COMMD1: variants seen among roughly 807,000 people sequenced by gnomAD.
COMMD1 encodes the protein COMM domain-containing protein 1.
A neutral mutation model predicts 17.2 loss-of-function variants in COMMD1; 10 were observed. The ratio of observed to expected loss-of-function variants is 0.58; its 90% CI spans 0.36 to 0.99. The LOEUF (loss-of-function observed/expected upper bound fraction) is 0.99, where lower values mean the gene tolerates loss of function less well. Ranked by LOEUF, COMMD1 falls within the 50% of genes least tolerant of loss-of-function variation. The probability of loss-of-function intolerance (pLI) is 0.01; values close to 1 mark genes in which losing one functional copy is unlikely to be tolerated. For synonymous variants in COMMD1, 97 were observed against 91.6 expected (o/e 1.06, Z -0.34); for missense variants, 270 against 231.8 (o/e 1.17, Z -1.07).
intron 1 of COMMD1, among the ~76,000 whole-genome samples, chr2:61,946,534 T>C (rs1670911561): frequency 6.6e-6 from 1 of 152,184 alleles, no homozygotes; most frequent in Non-Finnish European, 1.5e-5. Flanking sequence ...AAAAATCTTT[T>C]ACACAGTCTC....
chr2:61,916,397 G>A (rs187984416), intron 1 of COMMD1, among the ~76,000 whole-genome samples: 23 of 152,154 alleles, frequency 1.5e-4, no homozygotes, highest in Non-Finnish European at 3.1e-4. Context: ...GGAGTATACT[G>A]TACATAACTT....
intron 2 of COMMD1, among the ~76,000 whole-genome samples, chr2:62,008,919 CACT>C (rs1210603823): frequency 6.6e-6 from 1 of 152,002 alleles, no homozygotes; most frequent in Non-Finnish European, 1.5e-5. Flanking sequence ...AAGTAGCTGG[CACT>C]ACAGGCATGC....
At chr2:62,008,387 C>A (rs5019427) in intron 2 of COMMD1, among the ~76,000 whole-genome samples, 1 of 143,510 alleles carries the variant, frequency 7.0e-6, no homozygotes, top group African/African-American at 2.5e-5. Flanking sequence ...CACACACACA[C>A]ACATATATAT....
chr2:62,019,230 A>G (rs572304851), intron 2 of COMMD1, among the ~76,000 whole-genome samples: 2 of 150,274 alleles, frequency 1.3e-5, no homozygotes, highest in South Asian at 4.2e-4. Flanking sequence ...CTGGAGTGCA[A>G]TGGCGCGATC....
Position 62,081,186 on chromosome 2 carries a change from T to C in COMMD1, c.463-54645T>C, listed in dbSNP as rs374296865. ...AGTTCACACTTCTGCCAGCAACATA[T>C]CAGATTTTTCCTTTGTCTACATCTC... On this transcript the variant is annotated intron_variant, in intron 2 of 2. Transcript: ENST00000311832. 1.7e-3 allele frequency among the ~76,000 whole-genome samples: 252 copies of C among 152,252 alleles called. 2 individuals carry two copies. Among genetic ancestry groups the C allele is most frequent in the African/African-American group, 5.7e-3 (236 of 41,560 alleles).
At chr2:61,974,042 C>A (rs1169728823) in intron 1 of COMMD1, among the ~76,000 whole-genome samples, 2 of 152,212 alleles carry the variant, frequency 1.3e-5, no homozygotes, top group Non-Finnish European at 2.9e-5. Flanking sequence ...CGCCAGTAAT[C>A]CCAGCACTTG....
intron 1 of COMMD1, among the ~76,000 whole-genome samples, chr2:61,951,355 G>A (rs1342241003): frequency 6.6e-6 from 1 of 151,896 alleles, no homozygotes; most frequent in Non-Finnish European, 1.5e-5. Context: ...AGCTACTTGG[G>A]AGGCTGAGGT....
At chr2:62,029,609 T>TA (rs539798013) in intron 2 of COMMD1, among the ~76,000 whole-genome samples, 653 of 152,344 alleles carry the variant, frequency 4.3e-3, no homozygotes, top group Non-Finnish European at 4.4e-3. Context: ...TTTCTTTACA[T>TA]ATATAACCAT....
intron 2 of COMMD1, among the ~76,000 whole-genome samples, chr2:62,018,048 A>C (rs1427470202): frequency 7.0e-6 from 1 of 143,350 alleles, no homozygotes. Context: ...GACCTATCTC[A>C]AAAAAAAAAA....
At chr2:61,936,103 C>T (rs909876130) in intron 1 of COMMD1, among the ~76,000 whole-genome samples, 1 of 152,150 alleles carries the variant, frequency 6.6e-6, no homozygotes, top group African/African-American at 2.4e-5. Context: ...CATGCCCGGC[C>T]CAGCCCAGTT....
intron 2 of COMMD1, among the ~76,000 whole-genome samples, chr2:62,008,659 C>G (rs992900605): frequency 6.6e-6 from 1 of 152,086 alleles, no homozygotes; most frequent in African/African-American, 2.4e-5. Context: ...AGGAAAGCCT[C>G]CAAAGAATTA....
At chr2:61,995,731 A>G (rs1188281643) in intron 1 of COMMD1, among the ~76,000 whole-genome samples, 2 of 151,984 alleles carry the variant, frequency 1.3e-5, no homozygotes, top group East Asian at 3.9e-4. Context: ...CACTTATCTC[A>G]TGGTGCTTTC....
At chr2:62,135,782 C>T in intron 2 of COMMD1, 49 bp from the exon 3 acceptor site, 1 of 942,544 alleles carries the variant, frequency 1.1e-6, no homozygotes, top group Non-Finnish European at 1.8e-6. Flanking sequence ...GCCAGATGGC[C>T]TTGGCTATCT....
intron 2 of COMMD1, among the ~76,000 whole-genome samples, chr2:62,041,929 G>A (rs1014959031): frequency 2.0e-5 from 3 of 152,198 alleles, no homozygotes; most frequent in Non-Finnish European, 2.9e-5. Flanking sequence ...TGTGAAGAGT[G>A]AAAGAACTAA....
intron 1 of COMMD1, among the ~76,000 whole-genome samples, chr2:61,999,379 A>T (rs1668857464): frequency 6.6e-6 from 1 of 152,192 alleles, no homozygotes. Context: ...AGTAGTATAT[A>T]ATTTCACAGT....
chr2:61,919,854 C>T (rs1029366795), intron 1 of COMMD1, among the ~76,000 whole-genome samples: 2 of 152,112 alleles, frequency 1.3e-5, no homozygotes, highest in Admixed American at 1.3e-4. Context: ...AGACTGGGTG[C>T]AATGACGCAT....
intron 2 of COMMD1, among the ~76,000 whole-genome samples, chr2:62,045,730 A>ATTTT (rs71410917): frequency 8.4e-4 from 71 of 84,884 alleles, no homozygotes; most frequent in Middle Eastern, 9.1e-3. Context: ...TTTCAAGTTA[A>ATTTT]TTTTTTTTTT....
chr2:62,044,405 G>T (rs1670323842), intron 2 of COMMD1, among the ~76,000 whole-genome samples: 1 of 152,102 alleles, frequency 6.6e-6, no homozygotes. Flanking sequence ...TCTTGCATTT[G>T]CTGTTTGTGT....
intron 2 of COMMD1, among the ~76,000 whole-genome samples, chr2:62,102,981 T>TC: frequency 7.3e-6 from 1 of 136,778 alleles, no homozygotes; most frequent in East Asian, 2.9e-4. Context: ...TTTTTCTTTC[T>TC]TTTTTTTTTT....
Sources: allele counts gnomAD v4.1 joint callset (sites outside exome capture counted in the v4.1 genomes callset), GRCh38; gene constraint gnomAD v4.1.1; transcripts MANE v1.5; gene names NCBI Gene and HGNC (gene_info 2026-07-23, HGNC 2026-07-21).